The following CALU variants were observed in gnomAD, a reference collection of about 807,000 sequenced individuals.
The protein encoded by CALU is IEF SSP 9302.
A neutral mutation model predicts 37.5 loss-of-function variants in CALU; 13 were observed. The ratio of observed to expected loss-of-function variants is 0.35; its 90% CI spans 0.23 to 0.55. The LOEUF is 0.55. CALU is among the 20% of genes least tolerant of loss of function. The pLI, the probability that CALU is intolerant of heterozygous loss-of-function variation, is 0.89. For synonymous variants in CALU, 114 were observed against 133.8 expected, an observed-to-expected ratio of 0.85 and a Z score of 1.02; for missense variants, 282 against 391.7, an observed-to-expected ratio of 0.72 and a Z score of 2.36.
At chr7:128,758,319 A>G (rs904160503) in intron 3 of CALU, among the ~76,000 whole-genome samples, 14 of 152,222 alleles carry the variant, frequency 9.2e-5, no homozygotes, top group Non-Finnish European at 1.8e-4. Context: ...TTTGATTTCT[A>G]TCTTTTTAAT....
At chr7:128,758,060 A>G (rs987115563) in intron 3 of CALU, among the ~76,000 whole-genome samples, 1 of 152,004 alleles carries the variant, frequency 6.6e-6, no homozygotes, top group Non-Finnish European at 1.5e-5. Context: ...TTACCCCCCC[A>G]ACATTTCCTC....
chr7:128,759,461 TCTC>T (rs1801015911), intron 4 of CALU, among the ~76,000 whole-genome samples: 1 of 152,216 alleles, frequency 6.6e-6, no homozygotes, highest in African/African-American at 2.4e-5. Flanking sequence ...ACTGGTCACA[TCTC>T]CTGTTAGTGT....
chr7:128,767,664 G>A lies in CALU; in HGVS notation c.843+9G>A. On this transcript the variant is annotated intron_variant, in intron 6 of 6. Coordinates refer to ENST00000249364, the MANE Select transcript of CALU (RefSeq NM_001219.5). ...AATCAGACCAAAACAAGGTAAGTCTGGCGAGGCCCACACGCTCTATCCTTG... is the reference window on the plus strand; with the variant it reads ...AATCAGACCAAAACAAGGTAAGTCTAGCGAGGCCCACACGCTCTATCCTTG... 6.2e-7 allele frequency: 1 copy of A among 1,611,490 alleles called. No homozygotes were observed. Among genetic ancestry groups the A allele is most frequent in the African/African-American group, 1.3e-5 (1 of 75,006 alleles).
At position 128,773,259 on chromosome 7, in the gene CALU, A is replaced by C. The variant is rs1801666416; in HGVS notation, c.*4092A>C. Among the ~76,000 whole-genome samples, 2 of 152,242 alleles carry C rather than the reference A, an allele frequency of 1.3e-5. No individual in the cohort carries two copies. Among genetic ancestry groups the C allele is most frequent in the Non-Finnish European group, 2.9e-5 (2 of 68,046 alleles). ...TTAAATGCAAGGACTGAAAATTGAG[A>C]GGAATCTGAGTTTTTATTTTTATTT... On this transcript the variant is annotated 3_prime_UTR_variant, in exon 7 of 7. Transcript: ENST00000249364.
At chr7:128,746,651 G>A (rs907400311) in intron 1 of CALU, among the ~76,000 whole-genome samples, 8 of 151,442 alleles carry the variant, frequency 5.3e-5, no homozygotes, top group East Asian at 1.9e-4. Context: ...ACAGTGTTTC[G>A]CTATCACCCA....
At chr7:128,754,586 GAA>G in intron 3 of CALU, 131 bp downstream of exon 3, 1 of 1,552,198 alleles carries the variant, frequency 6.4e-7, no homozygotes, top group Non-Finnish European at 8.7e-7. Context: ...AGGGGGAGCT[GAA>G]ATCCTGGATT....
intron 1 of CALU, among the ~76,000 whole-genome samples, 172 bp downstream of exon 1, chr7:128,739,604 T>C (rs535114417): frequency 6.6e-6 from 1 of 152,216 alleles, no homozygotes; most frequent in African/African-American, 2.4e-5. Flanking sequence ...ACCCTCTGTG[T>C]GCAGCCTGGG....
chr7:128,741,142 C>T (rs1800225715), intron 1 of CALU, among the ~76,000 whole-genome samples: 1 of 152,096 alleles, frequency 6.6e-6, no homozygotes, highest in Non-Finnish European at 1.5e-5. Context: ...GCCACAAGGC[C>T]CTAGATTCTC....
At chr7:128,757,102 A>G (rs1238743547) in intron 3 of CALU, among the ~76,000 whole-genome samples, 2 of 151,976 alleles carry the variant, frequency 1.3e-5, no homozygotes, top group South Asian at 4.2e-4. Flanking sequence ...AAAAAATTGT[A>G]TCTTCCTGTT....
At position 128,772,814 on chromosome 7, in the gene CALU, T is replaced by C. The variant is rs562316580; in HGVS notation, c.*3647T>C. ...TCTATCTTCCCCATCCTGAAAACTA[T>C]CTAGATTCCAGTCTAGAACTACTCC... On this transcript the variant is annotated 3_prime_UTR_variant, in exon 7 of 7. Transcript: ENST00000249364. Among the ~76,000 whole-genome samples the C allele has an allele frequency of 6.6e-6, 1 of 152,324 alleles. No homozygotes were observed. Among genetic ancestry groups the C allele is most frequent in the African/African-American group, 2.4e-5 (1 of 41,568 alleles).
chr7:128,759,737 T>G, intron 4 of CALU, 55 bp from the exon 5 acceptor site: 1 of 895,250 alleles, frequency 1.1e-6, no homozygotes, highest in Non-Finnish European at 1.9e-6. Flanking sequence ...CTTTACTTTC[T>G]TCTGGCAAAT....
intron 2 of CALU, among the ~76,000 whole-genome samples, chr7:128,751,157 G>A (rs1460674113): frequency 2.6e-5 from 4 of 151,742 alleles, no homozygotes; most frequent in Admixed American, 6.6e-5. Flanking sequence ...GCCTGGTGGC[G>A]CGTGCCTGTA....
chr7:128,772,797 C>T lies in CALU; in HGVS notation c.*3630C>T, dbSNP rs1801641835. 6 of 1,132,188 alleles carry T rather than the reference C, an allele frequency of 5.3e-6. No individual in the cohort carries two copies. In the Admixed American group the frequency reaches 9.7e-5, roughly 18 times the overall value. The allele number at this position is 1,132,188 out of a possible 1,614,324, so 70.1% of individuals were successfully genotyped here. ...CCTTAGGTGGTTTTGAATCTATCTT[C>T]CCCATCCTGAAAACTATCTAGATTC... On this transcript the variant is annotated 3_prime_UTR_variant, in exon 7 of 7. Transcript: ENST00000249364.
At chr7:128,756,579 A>G (rs978120830) in intron 3 of CALU, among the ~76,000 whole-genome samples, 1 of 152,180 alleles carries the variant, frequency 6.6e-6, no homozygotes, top group African/African-American at 2.4e-5. Flanking sequence ...ATCTGTCTCA[A>G]TGAATCCGCT....
chr7:128,739,366 C>G lies in CALU; in HGVS notation c.-78C>G, dbSNP rs531379172. On this transcript the variant is annotated 5_prime_UTR_variant, in exon 1 of 7. Coordinates refer to ENST00000249364, the MANE Select transcript of CALU (RefSeq NM_001219.5). Reference sequence around the variant, plus strand: ...CGCTTCCGGTTGGGCGGTGCTTGCGCGCGTGAGCTGAGCCGGTGGGTGAGC... The same window carrying G: ...CGCTTCCGGTTGGGCGGTGCTTGCGGGCGTGAGCTGAGCCGGTGGGTGAGC... The G allele has an allele frequency of 6.6e-6, 1 of 152,570 alleles. No homozygotes were observed. Among genetic ancestry groups the G allele is most frequent in the Non-Finnish European group, 1.5e-5 (1 of 68,304 alleles). The allele number at this position is 152,570 out of a possible 1,614,324, so 9.5% of individuals were successfully genotyped here.
At chr7:128,766,939 A>G (rs1255164424) in intron 5 of CALU, among the ~76,000 whole-genome samples, 1 of 152,144 alleles carries the variant, frequency 6.6e-6, no homozygotes, top group Non-Finnish European at 1.5e-5. Flanking sequence ...AATTTTTGGA[A>G]AAATCTATAT....
chr7:128,748,236 C>A, intron 1 of CALU: 3 of 671,066 alleles, frequency 4.5e-6, no homozygotes, highest in Non-Finnish European at 7.4e-6. Flanking sequence ...AACCTTGGTT[C>A]TTTCACTTTT....
At chr7:128,755,309 CAAAAAAAAAAAAAA>C (rs59208090) in intron 3 of CALU, among the ~76,000 whole-genome samples, 6 of 51,526 alleles carry the variant, frequency 1.2e-4, no homozygotes, top group East Asian at 9.2e-4. Context: ...GAGCTCTGTC[CAAAAAAAAAAAAAA>C]AAAAAAAAAA....
At position 128,753,410 on chromosome 7, in the gene CALU, A is replaced by G. The variant is rs140056913; in HGVS notation, c.222-852A>G. 3.4e-4 allele frequency among the ~76,000 whole-genome samples: 52 copies of G among 152,368 alleles called. No individual in the cohort carries two copies. The East Asian group carries it at 7.9e-3, about 23-fold the overall frequency. Reference sequence around the variant, plus strand: ...ACCTTTAAACAGAAGTTTTCATATCATGGACATATTTTTAAATCCATAAGA... The same window carrying G: ...ACCTTTAAACAGAAGTTTTCATATCGTGGACATATTTTTAAATCCATAAGA... On this transcript the variant is annotated intron_variant, in intron 2 of 6. Transcript: ENST00000249364.
Sources: gnomAD v4.1 joint callset for allele counts (sites outside exome capture counted in the v4.1 genomes callset) on GRCh38, gnomAD v4.1.1 for gene constraint, MANE v1.5 for transcripts, NCBI Gene and HGNC (gene_info 2026-07-23, HGNC 2026-07-21) for gene names.